TRPM3: variants seen among roughly 807,000 people sequenced by gnomAD.
TRPM3 encodes the protein long transient receptor potential channel 3.
A neutral mutation model predicts 181.2 loss-of-function variants in TRPM3; 77 were observed. The observed-to-expected ratio is 0.42, with a 90% CI of 0.35 to 0.51. TRPM3 has a LOEUF of 0.51. TRPM3 is among the 20% of genes least tolerant of loss of function. The pLI is 0.01. For missense variants in TRPM3, 1,759 were observed against 2,196.7 expected (o/e 0.80, Z 3.98); for synonymous variants, 745 against 796.4 (o/e 0.94, Z 1.09).
intron 1 of TRPM3, among the ~76,000 whole-genome samples, chr9:70,882,232 C>A (rs565823259): frequency 6.6e-6 from 1 of 152,150 alleles, no homozygotes; most frequent in African/African-American, 2.4e-5. Flanking sequence ...TTGTTACATG[C>A]CTATGGTGTC....
rs781115817 is a variant in TRPM3, at chr9:71,160,080, A to G, written c.183+286573T>C. On this transcript the variant is annotated intron_variant, in intron 1 of 24. Coordinates refer to the TRPM3 transcript ENST00000357533. ...TGTATTTCTGACTCCTCTTCTACCT[A>G]TTCAGCTCTAGTTATACTGGCCTCC... is the stretch of plus-strand genomic sequence containing the variant. Among the ~76,000 whole-genome samples the G allele has an allele frequency of 1.1e-3, 173 of 152,190 alleles. 3 individuals are homozygous for G. The highest frequency in any genetic ancestry group is 7.2e-4 in the Admixed American group (11 of 15,262).
chr9:70,978,485 G>T (rs954955151), intron 1 of TRPM3, among the ~76,000 whole-genome samples: 1 of 151,932 alleles, frequency 6.6e-6, no homozygotes, highest in African/African-American at 2.4e-5. Flanking sequence ...CAAAACTTAC[G>T]CTCTTTCTCT....
intron 6 of TRPM3, among the ~76,000 whole-genome samples, chr9:70,790,530 CTT>C (rs2085119002): frequency 6.6e-6 from 1 of 152,148 alleles, no homozygotes; most frequent in Admixed American, 6.5e-5. Context: ...AATTCATGTA[CTT>C]TGACATTATG....
intron 1 of TRPM3, among the ~76,000 whole-genome samples, chr9:70,898,366 C>T (rs1258606760): frequency 1.3e-5 from 2 of 151,444 alleles, no homozygotes; most frequent in African/African-American, 2.4e-5. Context: ...TCGTGATCCA[C>T]CCACCTCAGC....
At chr9:70,742,839 A>C (rs1172546762) in intron 8 of TRPM3, among the ~76,000 whole-genome samples, 1 of 152,168 alleles carries the variant, frequency 6.6e-6, no homozygotes, top group Admixed American at 6.6e-5. Context: ...CATTCCACAC[A>C]TGTATTATAA....
At chr9:70,576,069 G>A (rs375639358) in intron 22 of TRPM3, among the ~76,000 whole-genome samples, 3 of 152,266 alleles carry the variant, frequency 2.0e-5, no homozygotes, top group African/African-American at 7.2e-5. Context: ...GATGCCCCCT[G>A]TTTTCATGAT....
intron 1 of TRPM3, among the ~76,000 whole-genome samples, chr9:70,947,653 A>G (rs2096949978): frequency 1.3e-5 from 2 of 151,954 alleles, no homozygotes; most frequent in African/African-American, 2.4e-5. Context: ...AGGTGGGGGG[A>G]TGGAGAGACA....
chr9:70,596,503 G>A (rs187012608), intron 21 of TRPM3, among the ~76,000 whole-genome samples: 183 of 152,144 alleles, frequency 1.2e-3, no homozygotes, highest in African/African-American at 3.9e-3. Flanking sequence ...AGGCTGAGGC[G>A]GGTGGATCAC....
intron 1 of TRPM3, among the ~76,000 whole-genome samples, chr9:71,317,169 T>C (rs775541426): frequency 6.6e-5 from 10 of 152,168 alleles, no homozygotes; most frequent in Non-Finnish European, 1.2e-4. Flanking sequence ...AATGCTGAGA[T>C]TAAAGGCTCA....
intron 6 of TRPM3, among the ~76,000 whole-genome samples, chr9:70,785,958 G>T (rs1306332019): frequency 6.6e-6 from 1 of 152,090 alleles, no homozygotes; most frequent in Non-Finnish European, 1.5e-5. Context: ...GGACCCATTC[G>T]TTTTCTGTGG....
chr9:71,300,678 GGTCA>G, intron 1 of TRPM3, among the ~76,000 whole-genome samples: 1 of 152,132 alleles, frequency 6.6e-6, no homozygotes, highest in Non-Finnish European at 1.5e-5. Context: ...GTTAATTAAA[GGTCA>G]GTCTTTATGA....
chr9:70,794,069 C>T (rs2086363809), intron 6 of TRPM3, among the ~76,000 whole-genome samples: 1 of 152,018 alleles, frequency 6.6e-6, no homozygotes, highest in Non-Finnish European at 1.5e-5. Context: ...GAGGGTCCTT[C>T]ATATGAGAAT....
chr9:71,344,717 C>T (rs1299564101), intron 1 of TRPM3, among the ~76,000 whole-genome samples: 3 of 152,024 alleles, frequency 2.0e-5, no homozygotes, highest in Admixed American at 6.6e-5. Flanking sequence ...AACATACTAA[C>T]AAAAAAGTTA....
intron 1 of TRPM3, among the ~76,000 whole-genome samples, chr9:71,196,900 G>A (rs1239387345): frequency 6.6e-6 from 1 of 151,698 alleles, no homozygotes; most frequent in Non-Finnish European, 1.5e-5. Context: ...TTAAGTTTTA[G>A]GGTACATGTG....
At chr9:70,762,845 T>C (rs1045643870) in intron 7 of TRPM3, among the ~76,000 whole-genome samples, 2 of 152,186 alleles carry the variant, frequency 1.3e-5, no homozygotes, top group Non-Finnish European at 2.9e-5. Flanking sequence ...TGTCCAGGGC[T>C]CTTTCCACCA....
intron 1 of TRPM3, among the ~76,000 whole-genome samples, chr9:71,082,385 T>C (rs1410664315): frequency 6.6e-6 from 1 of 152,210 alleles, no homozygotes; most frequent in Non-Finnish European, 1.5e-5. Flanking sequence ...TTAGCAAGAC[T>C]GTATCATTTT....
chr9:71,304,487 T>C (rs996625783), intron 1 of TRPM3, among the ~76,000 whole-genome samples: 1 of 152,170 alleles, frequency 6.6e-6, no homozygotes, highest in African/African-American at 2.4e-5. Flanking sequence ...TCAATAAGAA[T>C]TAAGGTTTAC....
intron 1 of TRPM3, among the ~76,000 whole-genome samples, chr9:71,403,093 A>G (rs1472971135): frequency 2.0e-5 from 3 of 152,188 alleles, no homozygotes; most frequent in South Asian, 4.1e-4. Context: ...ATGGCTCCCA[A>G]CTCAGACTGG....
chr9:71,003,769 T>C (rs1331818339), intron 1 of TRPM3, among the ~76,000 whole-genome samples: 2 of 148,570 alleles, frequency 1.3e-5, no homozygotes, highest in Non-Finnish European at 3.0e-5. Context: ...ACTCCCCCCG[T>C]AAAAATACAG....
Sources: allele counts gnomAD v4.1 joint callset (sites outside exome capture counted in the v4.1 genomes callset), GRCh38; gene constraint gnomAD v4.1.1; transcripts MANE v1.5; gene names NCBI Gene and HGNC (gene_info 2026-07-23, HGNC 2026-07-21).